Variants in EPHA5 observed in about 807,000 individuals in gnomAD.
EPHA5 encodes EPH receptor A5.
In EPHA5, 60 loss-of-function variants were observed where a neutral mutation model predicts 105.0. The observed-to-expected ratio is 0.57, with a 90% CI of 0.46 to 0.71. The LOEUF (loss-of-function observed/expected upper bound fraction) is 0.71, where lower values mean the gene tolerates loss of function less well. Among genes scored for constraint, EPHA5 ranks in the 30% least tolerant of loss-of-function variants. EPHA5 has a pLI of 0.00. For synonymous variants in EPHA5, 513 were observed against 449.1 expected (o/e 1.14, Z -1.80); for missense variants, 1,218 against 1,274.7 (o/e 0.96, Z 0.68).
At position 65,595,866 on chromosome 4, in the gene EPHA5, C is replaced by T. The variant is rs535516434; in HGVS notation, c.910+5775G>A. Among the ~76,000 whole-genome samples, 12 of 152,308 alleles carry T rather than the reference C, an allele frequency of 7.9e-5. No homozygotes were observed. The South Asian group carries it at 2.5e-3, about 32-fold the overall frequency. ...AAGTGCTGGGATTACAGGCATGAGC[C>T]ACTGCCAATATCTCACAAGATTTTT... On this transcript the variant is annotated intron_variant, in intron 3 of 16. Coordinates refer to ENST00000613740, the MANE Select transcript of EPHA5 (RefSeq NM_001281766.3).
At chr4:65,499,336 G>A (rs560398675) in intron 3 of EPHA5, among the ~76,000 whole-genome samples, 1 of 151,656 alleles carries the variant, frequency 6.6e-6, no homozygotes, top group South Asian at 2.1e-4. Flanking sequence ...CTTCCAAGTA[G>A]CTACAATTCT....
At chr4:65,620,069 C>T (rs981949180) in intron 2 of EPHA5, among the ~76,000 whole-genome samples, 1 of 147,396 alleles carries the variant, frequency 6.8e-6, no homozygotes, top group Non-Finnish European at 1.5e-5. Flanking sequence ...TTGGAATCTA[C>T]ACCAAACTAC....
chr4:65,663,121 A>G (rs1749686351), intron 1 of EPHA5, among the ~76,000 whole-genome samples: 2 of 152,182 alleles, frequency 1.3e-5, no homozygotes, highest in South Asian at 4.1e-4. Context: ...AAGAAGAGCT[A>G]CAGAAAAGTT....
intron 16 of EPHA5, chr4:65,331,765 T>G (rs570255904): frequency 8.1e-7 from 1 of 1,235,788 alleles, no homozygotes; most frequent in Admixed American, 4.2e-5. Flanking sequence ...CAATGTTATT[T>G]GTTTGAAGCA....
chr4:65,558,294 C>G (rs946350057), intron 3 of EPHA5, among the ~76,000 whole-genome samples: 4 of 152,220 alleles, frequency 2.6e-5, no homozygotes, highest in African/African-American at 9.6e-5. Context: ...ATCACACTTG[C>G]ATCAAGTTAC....
At chr4:65,500,508 A>G (rs1732376543) in intron 3 of EPHA5, among the ~76,000 whole-genome samples, 1 of 151,074 alleles carries the variant, frequency 6.6e-6, no homozygotes, top group Admixed American at 6.6e-5. Flanking sequence ...TTTGCTGTAT[A>G]ATCTTATGAG....
At chr4:65,409,693 A>T (rs1722736557) in intron 7 of EPHA5, among the ~76,000 whole-genome samples, 1 of 152,198 alleles carries the variant, frequency 6.6e-6, no homozygotes, top group South Asian at 2.1e-4. Context: ...GTATCTATAA[A>T]CTTTCTTAAT....
intron 5 of EPHA5, among the ~76,000 whole-genome samples, chr4:65,479,294 C>T (rs940246608): frequency 9.2e-5 from 14 of 152,140 alleles, no homozygotes; most frequent in Middle Eastern, 3.4e-3. Flanking sequence ...ACGTAATTTA[C>T]TCAAATCAAA....
rs2149214667 is a variant in EPHA5 at position 65,490,711 on chromosome 4, T to G, written c.1068A>C (p.Arg356Ser). The G allele has an allele frequency of 6.2e-7, 1 of 1,611,852 alleles. No homozygotes were observed. Residue 356 changes from arginine (R) to serine (S), a missense_variant and splice_region_variant, in exon 5 of 17, where the codon AGA (arginine) becomes AGC (serine). Coordinates refer to ENST00000613740, the MANE Select transcript of EPHA5 (RefSeq NM_001281766.3). ...TGGCATTCCGAGGAGCAGAGGGGGGTCCTGGTTTACAAAGTAAAGTAAGAA... is the reference window on the plus strand; with the variant it reads ...TGGCATTCCGAGGAGCAGAGGGGGGGCCTGGTTTACAAAGTAAAGTAAGAA... The part of the protein sequence containing the change: ...ESDPPTMACT[R>S]PPSAPRNAIS...
intron 3 of EPHA5, among the ~76,000 whole-genome samples, chr4:65,518,997 G>T (rs1050156089): frequency 1.3e-5 from 2 of 151,920 alleles, no homozygotes; most frequent in African/African-American, 2.4e-5. Flanking sequence ...CCAAAGCCTG[G>T]CAGAGACACA....
At chr4:65,438,294 TC>T (rs1357957566) in intron 5 of EPHA5, among the ~76,000 whole-genome samples, 1 of 151,984 alleles carries the variant, frequency 6.6e-6, no homozygotes, top group Non-Finnish European at 1.5e-5. Context: ...ATTTGATTTT[TC>T]ATCTTATTTC....
At chr4:65,447,277 T>C (rs539385924) in intron 5 of EPHA5, among the ~76,000 whole-genome samples, 11 of 152,168 alleles carry the variant, frequency 7.2e-5, no homozygotes, top group African/African-American at 2.4e-4. Flanking sequence ...TGCTATTGGG[T>C]GGAGACTATG....
At chr4:65,513,073 G>A (rs1733776067) in intron 3 of EPHA5, among the ~76,000 whole-genome samples, 2 of 152,170 alleles carry the variant, frequency 1.3e-5, no homozygotes, top group Admixed American at 1.3e-4. Context: ...TTGGACAATT[G>A]AAGTAATTTG....
chr4:65,654,405 G>A (rs1349026715), intron 1 of EPHA5, among the ~76,000 whole-genome samples: 2 of 151,770 alleles, frequency 1.3e-5, no homozygotes, highest in African/African-American at 2.4e-5. Context: ...TACAATGAGG[G>A]TTCATTCATT....
chr4:65,658,738 G>A (rs1749284895), intron 1 of EPHA5, among the ~76,000 whole-genome samples: 1 of 152,028 alleles, frequency 6.6e-6, no homozygotes, highest in Admixed American at 6.6e-5. Flanking sequence ...CTAAGTAGTT[G>A]AGCCAGGTTC....
intron 3 of EPHA5, among the ~76,000 whole-genome samples, chr4:65,587,406 C>T (rs1234905846): frequency 6.6e-6 from 1 of 152,030 alleles, no homozygotes; most frequent in Admixed American, 6.6e-5. Flanking sequence ...ACTCCAAAGG[C>T]CAAAACATGT....
At chr4:65,374,143 T>C (rs567211246) in intron 8 of EPHA5, among the ~76,000 whole-genome samples, 1 of 152,034 alleles carries the variant, frequency 6.6e-6, no homozygotes, top group South Asian at 2.1e-4. Flanking sequence ...AACGTTAAGT[T>C]GGTTGAGATG....
At chr4:65,476,442 T>C (rs919163797) in intron 5 of EPHA5, among the ~76,000 whole-genome samples, 9 of 152,028 alleles carry the variant, frequency 5.9e-5, no homozygotes, top group South Asian at 2.1e-4. Flanking sequence ...GCAATATGAA[T>C]GTAGGTGGAG....
intron 3 of EPHA5, among the ~76,000 whole-genome samples, chr4:65,532,717 ACT>A (rs1365382962): frequency 3.7e-5 from 4 of 107,670 alleles, no homozygotes; most frequent in African/African-American, 1.5e-4. Context: ...CTTTTTTTAT[ACT>A]CTCTGTCTAA....
Sources: gnomAD v4.1 joint callset for allele counts (sites outside exome capture counted in the v4.1 genomes callset) on GRCh38, gnomAD v4.1.1 for gene constraint, MANE v1.5 for transcripts, NCBI Gene and HGNC (gene_info 2026-07-23, HGNC 2026-07-21) for gene names.